Variants in CNTN6 observed in about 807,000 individuals in gnomAD.
CNTN6 encodes the protein contactin-6.
Under a neutral mutation model 122.8 loss-of-function variants are expected in CNTN6, and 137 were observed. That is an observed-to-expected ratio of 1.12 (90% CI 0.97 to 1.29). CNTN6 has a LOEUF of 1.29. CNTN6 is among the 50% of genes most tolerant of loss of function. CNTN6 has a pLI of 0.00. For synonymous variants in CNTN6, 570 were observed against 426.0 expected (o/e 1.34, Z -4.16); for missense variants, 1,634 against 1,223.4 (o/e 1.34, Z -5.01).
At chr3:1,108,414 G>A (rs1042706274) in intron 1 of CNTN6, among the ~76,000 whole-genome samples, 1 of 151,884 alleles carries the variant, frequency 6.6e-6, no homozygotes, top group Admixed American at 6.6e-5. Context: ...TAATAATTTT[G>A]AGCAGGAAAC....
At chr3:1,357,164 T>C (rs2126090820) in intron 12 of CNTN6, among the ~76,000 whole-genome samples, 1 of 151,990 alleles carries the variant, frequency 6.6e-6, no homozygotes, top group Admixed American at 6.6e-5. Context: ...TTTCAAGATA[T>C]TTTTACTGCA....
intron 12 of CNTN6, among the ~76,000 whole-genome samples, chr3:1,356,870 A>G (rs1285104714): frequency 6.6e-6 from 1 of 151,878 alleles, no homozygotes; most frequent in Non-Finnish European, 1.5e-5. Context: ...CTGTTCCAAT[A>G]TTGAAAGTGA....
In CNTN6 at chr3:1,331,485, T is replaced by C. The variant is rs145247590; in HGVS notation, c.1364+1550T>C. On this transcript the variant is annotated intron_variant, in intron 11 of 22. Transcript: ENST00000446702. Reference sequence around the variant, plus strand: ...GTGAAAGGAAACCTGTTGTCCTGACTCAGGTTGGGTCTCTTCTTCTGTGTG... The same window carrying C: ...GTGAAAGGAAACCTGTTGTCCTGACCCAGGTTGGGTCTCTTCTTCTGTGTG... Among the ~76,000 whole-genome samples, 38 of 152,096 alleles carry C rather than the reference T, an allele frequency of 2.5e-4. No homozygotes were observed. The East Asian group carries it at 7.0e-3, about 28-fold the overall frequency.
rs1177927053 is a variant in CNTN6, at chr3:1,388,861, G to GA, written c.2704+3070dup. The stretch of plus-strand genomic sequence containing the variant: ...AATGAAGCAAGAAGGGAAGTTTAGA[G>GA]AAAAAAGAATAAAAAGAAACGAGCA... On this transcript the variant is annotated intron_variant, in intron 20 of 22. Transcript: ENST00000446702. Among the ~76,000 whole-genome samples the GA allele has an allele frequency of 1.1e-3, 164 of 143,552 alleles. 2 individuals carry two copies. The highest frequency in any genetic ancestry group is 4.0e-3 in the African/African-American group (152 of 38,096). 94.2% of individuals were successfully genotyped at this position (143,552 alleles called of 152,430 possible).
chr3:1,141,907 T>G (rs1271335633), intron 1 of CNTN6, among the ~76,000 whole-genome samples: 1 of 152,150 alleles, frequency 6.6e-6, no homozygotes, highest in East Asian at 1.9e-4. Flanking sequence ...CTCTGCCTTT[T>G]TATTCAAGAA....
At chr3:1,125,492 G>A (rs1041381606) in intron 1 of CNTN6, among the ~76,000 whole-genome samples, 1 of 151,836 alleles carries the variant, frequency 6.6e-6, no homozygotes, top group Non-Finnish European at 1.5e-5. Context: ...GAAGCAAAAT[G>A]TAATCTGCAC....
chr3:1,134,064 C>T (rs2092408646), intron 1 of CNTN6, among the ~76,000 whole-genome samples: 1 of 152,084 alleles, frequency 6.6e-6, no homozygotes, highest in Admixed American at 6.5e-5. Flanking sequence ...TACTGTGCTT[C>T]CTGTAAATAA....
intron 2 of CNTN6, among the ~76,000 whole-genome samples, chr3:1,218,531 G>T (rs2094160119): frequency 6.6e-6 from 1 of 152,032 alleles, no homozygotes; most frequent in Non-Finnish European, 1.5e-5. Flanking sequence ...GTAAAACTGG[G>T]AGTGGACATC....
At chr3:1,216,029 T>C (rs2094125891) in intron 2 of CNTN6, among the ~76,000 whole-genome samples, 1 of 152,204 alleles carries the variant, frequency 6.6e-6, no homozygotes, top group African/African-American at 2.4e-5. Context: ...TTCAGTATAC[T>C]TCATTGGAAG....
chr3:1,211,168 G>T (rs1403409772), intron 2 of CNTN6, among the ~76,000 whole-genome samples: 2 of 152,174 alleles, frequency 1.3e-5, no homozygotes, highest in Non-Finnish European at 2.9e-5. Flanking sequence ...GCCACGGTGG[G>T]GAAATATATT....
chr3:1,322,144 C>A (rs1333046861), intron 8 of CNTN6, among the ~76,000 whole-genome samples: 1 of 151,636 alleles, frequency 6.6e-6, no homozygotes, highest in South Asian at 2.1e-4. Context: ...TCCCATTAAA[C>A]GTTCTGCAGC....
At chr3:1,205,842 T>C (rs1185441117) in intron 2 of CNTN6, among the ~76,000 whole-genome samples, 1 of 152,116 alleles carries the variant, frequency 6.6e-6, no homozygotes, top group African/African-American at 2.4e-5. Flanking sequence ...CATGGGTAAA[T>C]TGGATGGTAT....
At chr3:1,201,209 G>C (rs532112166) in intron 2 of CNTN6, among the ~76,000 whole-genome samples, 1 of 151,862 alleles carries the variant, frequency 6.6e-6, no homozygotes, top group Non-Finnish European at 1.5e-5. Flanking sequence ...CTGAGTTCAA[G>C]TGAACCACTC....
intron 6 of CNTN6, among the ~76,000 whole-genome samples, chr3:1,296,749 G>C (rs1303159187): frequency 6.6e-6 from 1 of 152,110 alleles, no homozygotes; most frequent in Non-Finnish European, 1.5e-5. Flanking sequence ...GCAACCATTA[G>C]ACTTATTCCT....
chr3:1,339,553 A>G lies in CNTN6; in HGVS notation c.1364+9618A>G, dbSNP rs571979509. ...AGGGCAATTCACTAACTTGGCTTAC[A>G]GGAGTCTAGAAAGGTTTCAACAGGT... is the stretch of plus-strand genomic sequence containing the variant. On this transcript the variant is annotated intron_variant, in intron 11 of 22. Transcript: ENST00000446702. 8.7e-4 allele frequency among the ~76,000 whole-genome samples: 133 copies of G among 152,166 alleles called. 1 individual carries two copies. The highest frequency in any genetic ancestry group is 5.2e-4 in the Admixed American group (8 of 15,276).
chr3:1,354,899 C>G (rs554456296), intron 12 of CNTN6, among the ~76,000 whole-genome samples: 3 of 151,534 alleles, frequency 2.0e-5, no homozygotes, highest in South Asian at 2.1e-4. Context: ...TGACAGACAT[C>G]GATCACCTCA....
At chr3:1,280,559 G>T (rs1485900855) in intron 5 of CNTN6, among the ~76,000 whole-genome samples, 5 of 140,202 alleles carry the variant, frequency 3.6e-5, no homozygotes, top group Admixed American at 2.3e-4. Flanking sequence ...CTGCCTCCTG[G>T]GTTCAAGCGA....
chr3:1,102,631 G>A (rs563632240), intron 1 of CNTN6, among the ~76,000 whole-genome samples: 13 of 150,184 alleles, frequency 8.7e-5, no homozygotes, highest in South Asian at 2.1e-4. Context: ...GGGAGGCTGA[G>A]GCAGGAGAAT....
rs5846087 is a variant in CNTN6, at chr3:1,095,171, TAA to T, written c.-83+2059_-83+2060del. The stretch of plus-strand genomic sequence containing the variant: ...TAAGAATGAGATCTTATCCTACACT[TAA>T]AAAAAAACAGAAATATTGGCCGCGC... On this transcript the variant is annotated intron_variant, in intron 1 of 22. Transcript: ENST00000446702. Among the ~76,000 whole-genome samples the T allele has an allele frequency of 3.9e-3, 582 of 150,892 alleles. 4 individuals are homozygous for T. Among genetic ancestry groups the T allele is most frequent in the African/African-American group, 0.014 (560 of 41,286 alleles).
Sources: allele counts gnomAD v4.1 joint callset (sites outside exome capture counted in the v4.1 genomes callset), GRCh38; gene constraint gnomAD v4.1.1; transcripts MANE v1.5; gene names NCBI Gene and HGNC (gene_info 2026-07-23, HGNC 2026-07-21).